DDX43: variants seen among roughly 807,000 people sequenced by gnomAD.
The protein encoded by DDX43 is DEAD-box helicase 43, also known as probable ATP-dependent RNA helicase DDX43.
DDX43 carries 50 observed loss-of-function variants against 84.9 expected under a neutral mutation model. That is an observed-to-expected ratio of 0.59 (90% CI 0.47 to 0.75). The LOEUF (loss-of-function observed/expected upper bound fraction) is 0.75, where lower values mean the gene tolerates loss of function less well. DDX43 is among the 30% of genes least tolerant of loss of function. The pLI is 0.00. For missense variants in DDX43, 689 were observed against 798.6 expected, an observed-to-expected ratio of 0.86 and a Z score of 1.65; for synonymous variants, 291 against 266.3, an observed-to-expected ratio of 1.09 and a Z score of -0.90.
At chr6:73,397,141 C>T (rs1261521138) in intron 1 of DDX43, among the ~76,000 whole-genome samples, 4 of 152,120 alleles carry the variant, frequency 2.6e-5, no homozygotes, top group African/African-American at 4.8e-5. Flanking sequence ...TACTGTTTTC[C>T]ATAGTGGCAG....
chr6:73,408,657 A>G (rs886392537), intron 9 of DDX43, among the ~76,000 whole-genome samples: 4 of 151,864 alleles, frequency 2.6e-5, no homozygotes, highest in Admixed American at 6.6e-5. Context: ...CCCAGGTTCA[A>G]GTGATTCTCC....
At chr6:73,415,605 A>G (rs1360621693) in intron 15 of DDX43, 21 bp downstream of exon 15, 3 of 1,534,642 alleles carry the variant, frequency 2.0e-6, no homozygotes, top group Non-Finnish European at 2.7e-6. Context: ...GCAATTCATT[A>G]GAAATCTACC....
chr6:73,411,439 C>G (rs896935620), intron 10 of DDX43, among the ~76,000 whole-genome samples: 12 of 150,974 alleles, frequency 7.9e-5, no homozygotes, highest in South Asian at 2.1e-4. Flanking sequence ...AGTGATTCTT[C>G]TGCCTCAGCC....
chr6:73,412,668 T>TGTGTGTGTGTGTGTGCGCGC lies in DDX43; in HGVS notation c.1368+377_1368+378insTGTGTGTGTGTGTGCGCGCG, dbSNP rs538597626. The stretch of plus-strand genomic sequence containing the variant: ...GTGTGTGTGTGTGTGTGTGTGTGTG[T>TGTGTGTGTGTGTGTGCGCGC]GCGCGCGCGCGTGTGTGTGTGTGCG... On this transcript the variant is annotated intron_variant, in intron 11 of 16. Coordinates refer to ENST00000370336, the MANE Select transcript of DDX43 (RefSeq NM_018665.3). Among the ~76,000 whole-genome samples the TGTGTGTGTGTGTGTGCGCGC allele has an allele frequency of 5.5e-4, 60 of 108,434 alleles. 1 individual carries two copies. Among genetic ancestry groups the TGTGTGTGTGTGTGTGCGCGC allele is most frequent in the African/African-American group, 9.1e-4 (23 of 25,284 alleles). The allele number at this position is 108,434 out of a possible 152,430, so 71.1% of individuals were successfully genotyped here.
chr6:73,412,976 C>T (rs1341958340), intron 11 of DDX43, among the ~76,000 whole-genome samples: 1 of 152,126 alleles, frequency 6.6e-6, no homozygotes, highest in Non-Finnish European at 1.5e-5. Context: ...CGATCTGCCC[C>T]CTTGGCCTCC....
At chr6:73,411,702 TTTAC>T (rs1475014523) in intron 10 of DDX43, among the ~76,000 whole-genome samples, 1 of 152,120 alleles carries the variant, frequency 6.6e-6, no homozygotes, top group Non-Finnish European at 1.5e-5. Flanking sequence ...CTAGTATTTA[TTTAC>T]TTATTTATGA....
At chr6:73,409,934 G>A (rs114743842) in intron 10 of DDX43, among the ~76,000 whole-genome samples, 5,629 of 151,626 alleles carry the variant, frequency 0.037, 350 homozygotes, top group East Asian at 0.16. Context: ...GAAGACTGAG[G>A]CAGGAGGATC....
In DDX43 at chr6:73,413,799, C is replaced by T. The variant is rs1344169009; in HGVS notation, c.1496+14C>T. On this transcript the variant is annotated intron_variant, in intron 12 of 16. Transcript: ENST00000370336. ...TCGAAAAGCTGTGTAGGTATTTTTT[C>T]TTGTGTGTCCATTATAATTAATTAA... 1 of 1,606,704 alleles carries T rather than the reference C, an allele frequency of 6.2e-7. No individual in the cohort carries two copies. The highest frequency in any genetic ancestry group is 8.5e-7 in the Non-Finnish European group (1 of 1,177,502).
chr6:73,411,587 C>T (rs575073671), intron 10 of DDX43, among the ~76,000 whole-genome samples: 5 of 152,200 alleles, frequency 3.3e-5, no homozygotes, highest in South Asian at 4.1e-4. Context: ...TCCTCAGCCT[C>T]GCAAAGTGCT....
In DDX43 at chr6:73,396,218, C is replaced by G. The variant is rs145899108; in HGVS notation, c.250+1063C>G. On this transcript the variant is annotated intron_variant, in intron 1 of 16. Coordinates refer to ENST00000370336, the MANE Select transcript of DDX43 (RefSeq NM_018665.3). ...CCACCCACCTCGGCCTCCCAAAGTG[C>G]TGAGATTACAGGCGTAAGCCCGGCC... Among the ~76,000 whole-genome samples, 1,214 of 152,294 alleles carry G rather than the reference C, an allele frequency of 8.0e-3. 16 individuals are homozygous for G. The highest frequency in any genetic ancestry group is 0.028 in the African/African-American group (1,149 of 41,566).
intron 4 of DDX43, 133 bp downstream of exon 4, chr6:73,402,123 A>C: frequency 9.0e-7 from 1 of 1,115,106 alleles, no homozygotes; most frequent in Non-Finnish European, 1.3e-6. Context: ...TGCTGCAATT[A>C]GTCCCTAGGT....
rs143679235 is a variant in DDX43 at position 73,398,146 on chromosome 6, G to A, written c.306+402G>A. Among the ~76,000 whole-genome samples, 7 of 152,126 alleles carry A rather than the reference G, an allele frequency of 4.6e-5. No individual in the cohort carries two copies. In the East Asian group the frequency reaches 1.4e-3, roughly 29 times the overall value. On this transcript the variant is annotated intron_variant, in intron 2 of 16. Transcript: ENST00000370336. ...TTTCTGCTGAGTTATTAACATACTA[G>A]GGTAAATTAGGTAAGTTGCCAAAGT...
rs1418243278 is a variant in DDX43 at position 73,414,671 on chromosome 6, G to A, written c.1730G>A (p.Arg577His). Residue 577 changes from arginine to histidine, a missense_variant, in exon 14 of 17, where the codon CGC becomes CAC. Transcript: ENST00000370336. ...GAAGAATACGTACACCGAATAGGGC[G>A]CACGGGAAGAGCAGGGTAAGTAAGC... ...NIEEYVHRIG[R>H]TGRAGRTGVS... 46 of 1,611,834 alleles carry A rather than the reference G, an allele frequency of 2.9e-5. No individual in the cohort carries two copies. The highest frequency in any genetic ancestry group is 3.9e-5 in the Non-Finnish European group (46 of 1,179,208).
intron 6 of DDX43, among the ~76,000 whole-genome samples, chr6:73,406,045 G>C (rs922380796): frequency 1.4e-5 from 2 of 146,690 alleles, no homozygotes; most frequent in African/African-American, 2.5e-5. Flanking sequence ...TTTTTTTTGA[G>C]ACAGTTTTGC....
At position 73,401,923 on chromosome 6, in the gene DDX43, T is replaced by A. The variant is rs1769580521; in HGVS notation, c.501T>A (p.Asp167Glu). 4 of 1,614,030 alleles carry A rather than the reference T, an allele frequency of 2.5e-6. No homozygotes were observed. Among genetic ancestry groups the A allele is most frequent in the Non-Finnish European group, 3.4e-6 (4 of 1,180,004 alleles). ...GSTDNNVVAG[D>E]RPLIDWDQIR... is the part of the protein sequence containing the mutation. ...CAGATAACAATGTTGTTGCAGGAGA[T>A]CGGCCATTGATAGATTGGGATCAAA... Residue 167 changes from aspartate to glutamate, a missense_variant, in exon 4 of 17, where the codon GAT becomes GAA. Around this residue, in one of 2 missense-constraint regions of DDX43, gnomAD observed 552 missense variants for 692.7 expected, o/e 0.80. Coordinates refer to ENST00000370336, the MANE Select transcript of DDX43 (RefSeq NM_018665.3).
chr6:73,414,093 A>C lies in DDX43; in HGVS notation c.1606+14A>C. Reference sequence around the variant, plus strand: ...ACTTTAAAACAGGTATGTTTATGTAATTAGTATTTCATACAGTTTAAAATT... The same window carrying C: ...ACTTTAAAACAGGTATGTTTATGTACTTAGTATTTCATACAGTTTAAAATT... On this transcript the variant is annotated intron_variant, in intron 13 of 16. Coordinates refer to ENST00000370336, the MANE Select transcript of DDX43 (RefSeq NM_018665.3). The C allele has an allele frequency of 6.7e-7, 1 of 1,485,224 alleles. No homozygotes were observed. Among genetic ancestry groups the C allele is most frequent in the Non-Finnish European group, 9.4e-7 (1 of 1,063,762 alleles). 92.0% of individuals were successfully genotyped at this position (1,485,224 alleles called of 1,614,324 possible).
chr6:73,400,458 C>A, intron 3 of DDX43, 95 bp downstream of exon 3: 1 of 1,147,362 alleles, frequency 8.7e-7, no homozygotes, highest in Non-Finnish European at 1.2e-6. Context: ...TGATTCAAAG[C>A]ATTAGGCTGC....
At chr6:73,399,096 T>A (rs1418201550) in intron 2 of DDX43, among the ~76,000 whole-genome samples, 3 of 151,940 alleles carry the variant, frequency 2.0e-5, no homozygotes, top group Non-Finnish European at 4.4e-5. Flanking sequence ...CAGGTGCCCT[T>A]CCAGCTCACC....
intron 10 of DDX43, among the ~76,000 whole-genome samples, chr6:73,409,797 G>A (rs555049499): frequency 4.1e-4 from 62 of 152,226 alleles, no homozygotes; most frequent in South Asian, 3.9e-3. Flanking sequence ...TTGGGAGGCC[G>A]AGGTGGGTGG....
Sources: gnomAD v4.1 joint callset for allele counts (sites outside exome capture counted in the v4.1 genomes callset) on GRCh38, gnomAD v4.1.1 for gene constraint, gnomAD v4.1.1 regional missense constraint, MANE v1.5 for transcripts, NCBI Gene and HGNC (gene_info 2026-07-23, HGNC 2026-07-21) for gene names.